The following RNF38 variants were observed in gnomAD, a reference collection of about 807,000 sequenced individuals.
RNF38 encodes ring finger protein 38.
RNF38 carries 15 observed loss-of-function variants against 67.2 expected under a neutral mutation model. The ratio of observed to expected loss-of-function variants is 0.22; its 90% confidence interval spans 0.15 to 0.34. The LOEUF (loss-of-function observed/expected upper bound fraction) is 0.34. Ranked by LOEUF, RNF38 falls within the 10% of genes least tolerant of loss-of-function variation. RNF38 has a pLI of 1.00. For missense variants in RNF38, 524 were observed against 639.9 expected, an observed-to-expected ratio of 0.82 and a Z score of 1.95; for synonymous variants, 220 against 218.8, an observed-to-expected ratio of 1.01 and a Z score of -0.05.
intron 6 of RNF38, among the ~76,000 whole-genome samples, chr9:36,356,053 G>T (rs1408106923): frequency 6.6e-6 from 1 of 152,050 alleles, no homozygotes; most frequent in Non-Finnish European, 1.5e-5. Flanking sequence ...CACCATGTTG[G>T]CCAGGCTGGT....
intron 1 of RNF38, among the ~76,000 whole-genome samples, chr9:36,434,314 G>A (rs188144390): frequency 0.32 from 35,359 of 109,206 alleles, 6,464 homozygotes; most frequent in Non-Finnish European, 0.36. Flanking sequence ...AGCAGGAGGG[G>A]GAGGGGGATG....
intron 1 of RNF38, among the ~76,000 whole-genome samples, chr9:36,464,121 G>A (rs1167305101): frequency 1.3e-5 from 2 of 151,720 alleles, no homozygotes; most frequent in African/African-American, 4.8e-5. Context: ...CCTAGATCAC[G>A]ACACTGCACT....
At chr9:36,471,487 C>A (rs995760080) in intron 1 of RNF38, among the ~76,000 whole-genome samples, 2 of 152,204 alleles carry the variant, frequency 1.3e-5, no homozygotes, top group African/African-American at 4.8e-5. Flanking sequence ...CCCACCCCAA[C>A]CTTTTTTAAA....
intron 2 of RNF38, among the ~76,000 whole-genome samples, chr9:36,416,810 C>T (rs557287203): frequency 2.3e-5 from 3 of 132,042 alleles, no homozygotes; most frequent in South Asian, 4.9e-4. Context: ...TGGAGTGCAG[C>T]GGCACCATCT....
chr9:36,472,434 T>C (rs1392001678), intron 1 of RNF38, among the ~76,000 whole-genome samples: 1 of 152,194 alleles, frequency 6.6e-6, no homozygotes, highest in Non-Finnish European at 1.5e-5. Context: ...TTCATAAATT[T>C]CTTCAAGTGT....
chr9:36,431,080 A>T (rs1037607157), intron 1 of RNF38, among the ~76,000 whole-genome samples: 8 of 152,212 alleles, frequency 5.3e-5, no homozygotes, highest in Non-Finnish European at 8.8e-5. Flanking sequence ...CCTCAGGCTA[A>T]CCACAACTTT....
At chr9:36,346,932 A>G (rs1833280680) in intron 9 of RNF38, among the ~76,000 whole-genome samples, 1 of 152,106 alleles carries the variant, frequency 6.6e-6, no homozygotes, top group African/African-American at 2.4e-5. Flanking sequence ...CACCTGGTCA[A>G]CACGGTGAAA....
intron 2 of RNF38, among the ~76,000 whole-genome samples, chr9:36,423,857 G>T (rs1157538713): frequency 1.2e-5 from 1 of 85,572 alleles, no homozygotes; most frequent in African/African-American, 4.2e-5. Context: ...GCTGAGGCAG[G>T]AGAATGGCGT....
intron 2 of RNF38, among the ~76,000 whole-genome samples, chr9:36,408,424 A>G (rs1418339038): frequency 1.3e-5 from 2 of 152,186 alleles, no homozygotes; most frequent in African/African-American, 4.8e-5. Flanking sequence ...GGCTAGCCCT[A>G]TGGACAGCAG....
intron 8 of RNF38, 139 bp from the exon 9 acceptor site, chr9:36,351,338 G>C (rs1833673574): frequency 1.7e-6 from 1 of 578,878 alleles, no homozygotes; most frequent in Non-Finnish European, 3.0e-6. Context: ...ACATATGCAA[G>C]AACTGTACAA....
At chr9:36,444,741 A>G (rs1839263703) in intron 1 of RNF38, among the ~76,000 whole-genome samples, 1 of 152,160 alleles carries the variant, frequency 6.6e-6, no homozygotes, top group Admixed American at 6.5e-5. Context: ...CAGAGGTTGC[A>G]GTGAGCTGAG....
At chr9:36,468,918 C>T (rs1287590252) in intron 1 of RNF38, among the ~76,000 whole-genome samples, 2 of 151,834 alleles carry the variant, frequency 1.3e-5, no homozygotes, top group African/African-American at 4.8e-5. Flanking sequence ...TCAAGACCAG[C>T]CTGACCAATA....
rs1308960904 is a variant in RNF38, at chr9:36,336,943, A to ATCT, written c.*2806_*2808dup. On this transcript the variant is annotated 3_prime_UTR_variant, in exon 12 of 12. Transcript: ENST00000259605. Reference sequence around the variant, plus strand: ...TAAGGACAGAAAATCCTAATATGAGATCTTGATACCTGGAGGCCTTATTTT... The same window carrying ATCT: ...TAAGGACAGAAAATCCTAATATGAGATCTTCTTGATACCTGGAGGCCTTATTTT... The ATCT allele has an allele frequency of 6.6e-6, 1 of 152,204 alleles. No individual in the cohort carries two copies. Among genetic ancestry groups the ATCT allele is most frequent in the East Asian group, 1.9e-4 (1 of 5,198 alleles). The allele number at this position is 152,204 out of a possible 1,614,324, so 9.4% of individuals were successfully genotyped here.
Position 36,353,139 on chromosome 9 carries a change from G to A in RNF38, c.1071+31C>T, listed in dbSNP as rs148883634. ...CAGAACAAGTAAGTTGCCAAAGCAA[G>A]TAATTAACATAGTACTCTGTGAAAA... is the stretch of plus-strand genomic sequence containing the variant. On this transcript the variant is annotated intron_variant, in intron 7 of 11. Transcript: ENST00000259605. 9 of 1,586,338 alleles carry A rather than the reference G, an allele frequency of 5.7e-6. No homozygotes were observed. In the African/African-American group the frequency reaches 1.2e-4, roughly 21 times the overall value.
At chr9:36,371,672 G>A (rs1055006076) in intron 3 of RNF38, among the ~76,000 whole-genome samples, 1 of 151,756 alleles carries the variant, frequency 6.6e-6, no homozygotes, top group Admixed American at 6.6e-5. Context: ...AGCTGGTCTC[G>A]AACTCCTGAC....
At chr9:36,440,607 G>GA (rs373221817) in intron 1 of RNF38, among the ~76,000 whole-genome samples, 1,604 of 150,490 alleles carry the variant, frequency 0.011, 24 homozygotes, top group African/African-American at 0.033. Context: ...CTGTTAAGTG[G>GA]AAAAAAAAAG....
At chr9:36,381,390 A>T (rs923661578) in intron 2 of RNF38, among the ~76,000 whole-genome samples, 1 of 152,150 alleles carries the variant, frequency 6.6e-6, no homozygotes, top group African/African-American at 2.4e-5. Flanking sequence ...GATACACCTC[A>T]TTTTATCTCT....
intron 4 of RNF38, among the ~76,000 whole-genome samples, chr9:36,360,086 G>A (rs982902503): frequency 3.3e-5 from 5 of 151,774 alleles, no homozygotes; most frequent in African/African-American, 7.3e-5. Flanking sequence ...ATGCCATTAC[G>A]TTGAATATCA....
At chr9:36,372,332 T>C (rs760570390) in intron 3 of RNF38, among the ~76,000 whole-genome samples, 5 of 152,242 alleles carry the variant, frequency 3.3e-5, no homozygotes, top group Non-Finnish European at 7.3e-5. Context: ...ACATCTCACA[T>C]GTACTCTAAA....
Sources: allele counts gnomAD v4.1 joint callset (sites outside exome capture counted in the v4.1 genomes callset), GRCh38; gene constraint gnomAD v4.1.1; transcripts MANE v1.5; gene names NCBI Gene and HGNC (gene_info 2026-07-23, HGNC 2026-07-21).